PFKP: variants seen among roughly 807,000 people sequenced by gnomAD.
PFKP encodes phosphofructokinase, platelet.
PFKP carries 101 observed loss-of-function variants against 94.3 expected under a neutral mutation model. The ratio of observed to expected loss-of-function variants is 1.07; its 90% confidence interval spans 0.91 to 1.26. The LOEUF (loss-of-function observed/expected upper bound fraction) is 1.26, where lower values mean the gene tolerates loss of function less well. Among genes scored for constraint, PFKP ranks in the 50% most tolerant of loss-of-function variants. The pLI is 0.00. For missense variants in PFKP, 1,145 were observed against 1,103.3 expected, an observed-to-expected ratio of 1.04 and a Z score of -0.53; for synonymous variants, 573 against 432.6, an observed-to-expected ratio of 1.32 and a Z score of -4.03.
rs567629681 is a variant in PFKP, at chr10:3,077,495, T to C, written c.113-4893T>C. Among the ~76,000 whole-genome samples the C allele has an allele frequency of 1.6e-3, 236 of 152,012 alleles. 1 individual carries two copies. Among genetic ancestry groups the C allele is most frequent in the Non-Finnish European group, 1.9e-3 (130 of 67,970 alleles). On this transcript the variant is annotated intron_variant, in intron 1 of 21. Coordinates refer to ENST00000381125, the MANE Select transcript of PFKP (RefSeq NM_002627.5). ...GTTAGCCAGGATGGTCTCGATCTCCTGACCTCGTGATCCGCCCACCTTGGC... is the reference window on the plus strand; with the variant it reads ...GTTAGCCAGGATGGTCTCGATCTCCCGACCTCGTGATCCGCCCACCTTGGC...
intron 16 of PFKP, among the ~76,000 whole-genome samples, chr10:3,121,683 ATTTCCACCT>A (rs1222517030): frequency 6.8e-6 from 1 of 148,008 alleles, no homozygotes; most frequent in Non-Finnish European, 1.5e-5. Flanking sequence ...ACAAATGATC[ATTTCCACCT>A]GCTTTTACTT....
intron 20 of PFKP, among the ~76,000 whole-genome samples, chr10:3,135,420 G>A (rs973842572): frequency 1.7e-4 from 25 of 147,876 alleles, no homozygotes; most frequent in African/African-American, 5.8e-4. Context: ...CTCAGTGTGT[G>A]TATGTGTGAG....
intron 2 of PFKP, among the ~76,000 whole-genome samples, chr10:3,091,232 T>C (rs1327073379): frequency 1.3e-5 from 2 of 152,076 alleles, no homozygotes; most frequent in Non-Finnish European, 2.9e-5. Context: ...TAAGCTAAGG[T>C]TTTTCCTTAG....
At chr10:3,134,311 T>G (rs909996044) in intron 19 of PFKP, among the ~76,000 whole-genome samples, 172 bp from the exon 20 acceptor site, 2 of 152,246 alleles carry the variant, frequency 1.3e-5, no homozygotes, top group Non-Finnish European at 2.9e-5. Context: ...CACTTGATAC[T>G]TTTTCTTAAC....
At chr10:3,124,687 C>A (rs1256716216) in intron 16 of PFKP, among the ~76,000 whole-genome samples, 1 of 152,334 alleles carries the variant, frequency 6.6e-6, no homozygotes, top group Admixed American at 6.5e-5. Context: ...TCCCACTGAT[C>A]CTTGCCTGCC....
intron 3 of PFKP, among the ~76,000 whole-genome samples, chr10:3,099,685 T>C (rs981815673): frequency 2.0e-5 from 3 of 152,200 alleles, no homozygotes; most frequent in African/African-American, 4.8e-5. Flanking sequence ...GGAGGGAATT[T>C]TGACAACCAC....
chr10:3,114,236 GCCT>G (rs1439759741), intron 13 of PFKP, among the ~76,000 whole-genome samples: 1 of 151,136 alleles, frequency 6.6e-6, no homozygotes, highest in East Asian at 1.9e-4. Context: ...TGCAGCCTCT[GCCT>G]CCTGGGTTCA....
chr10:3,104,671 G>C (rs1428070367), intron 5 of PFKP: 3 of 221,850 alleles, frequency 1.4e-5, no homozygotes, highest in African/African-American at 4.8e-5. Context: ...CCATTCCCTG[G>C]GAAGACCCAC....
At chr10:3,134,631 T>TG (rs779914998) in intron 20 of PFKP, 49 bp downstream of exon 20, 1 of 1,219,370 alleles carries the variant, frequency 8.2e-7, no homozygotes, top group East Asian at 2.3e-5. Flanking sequence ...CAGGCCGTCC[T>TG]GCCTTGGTGA....
rs77832195 is a variant in PFKP, at chr10:3,134,127, G to T, written c.2023-356G>T. 6.2e-3 allele frequency among the ~76,000 whole-genome samples: 951 copies of T among 152,308 alleles called. 11 individuals carry two copies. Among genetic ancestry groups the T allele is most frequent in the African/African-American group, 0.022 (909 of 41,566 alleles). ...AATCCCCTGCAATGATGATGAAATA[G>T]TAGGCATATGTGTGATCTTCTTAAA... On this transcript the variant is annotated intron_variant, in intron 19 of 21. Transcript: ENST00000381125.
intron 4 of PFKP, among the ~76,000 whole-genome samples, chr10:3,103,334 G>C (rs1381100064): frequency 1.3e-5 from 2 of 152,142 alleles, no homozygotes; most frequent in Non-Finnish European, 2.9e-5. Context: ...TGCAGAATCC[G>C]GTTGCCTTGA....
At chr10:3,107,142 C>G in intron 7 of PFKP, 72 bp from the exon 8 acceptor site, 1 of 930,588 alleles carries the variant, frequency 1.1e-6, no homozygotes, top group South Asian at 1.3e-5. Context: ...AGACAGACTT[C>G]TGTGGTTTTG....
chr10:3,128,167 G>T (rs58272325), intron 16 of PFKP, among the ~76,000 whole-genome samples: 2,958 of 152,292 alleles, frequency 0.019, 81 homozygotes, highest in African/African-American at 0.064. Flanking sequence ...TTGAGCGCCT[G>T]CTGTGGGGGC....
At chr10:3,108,596 GAAGA>G (rs1272544682) in intron 8 of PFKP, 101 bp from the exon 9 acceptor site, 3 of 812,570 alleles carry the variant, frequency 3.7e-6, no homozygotes, top group African/African-American at 1.7e-5. Flanking sequence ...ATTTAGATCT[GAAGA>G]AAGAGCGAAA....
At chr10:3,086,357 C>T (rs1394080349) in intron 2 of PFKP, among the ~76,000 whole-genome samples, 3 of 152,214 alleles carry the variant, frequency 2.0e-5, no homozygotes, top group Non-Finnish European at 4.4e-5. Context: ...AACTGACTTA[C>T]CTTAGTTCAC....
Position 3,118,830 on chromosome 10 carries a change from G to A in PFKP, c.1491G>A (p.Thr497=), listed in dbSNP as rs756176040. The A allele has an allele frequency of 3.1e-6, 5 of 1,613,624 alleles. No individual in the cohort carries two copies. The highest frequency in any genetic ancestry group is 3.4e-6 in the Non-Finnish European group (4 of 1,179,674). The part of the protein sequence containing the change: ...YLEEIATQMR[T]HSINALLIIG... ...AAGAGATCGCCACACAGATGCGCAC[G>A]CACAGCATCAACGCGCTGCTGATCA... The change falls in exon 15 of 22, where the codon ACG becomes ACA. Residue 497 remains threonine, a synonymous_variant. Transcript: ENST00000381125.
intron 18 of PFKP, 33 bp downstream of exon 18, chr10:3,132,474 C>T (rs370895354): frequency 4.6e-5 from 65 of 1,410,964 alleles, no homozygotes; most frequent in South Asian, 4.6e-4. Context: ...TGATCTTACC[C>T]TCACCGCCAC....
chr10:3,108,252 C>T (rs750584784), intron 8 of PFKP, among the ~76,000 whole-genome samples: 6 of 152,208 alleles, frequency 3.9e-5, no homozygotes, highest in African/African-American at 9.6e-5. Context: ...TCCAGATCAC[C>T]GGGCCGGTGT....
intron 1 of PFKP, among the ~76,000 whole-genome samples, chr10:3,080,798 G>A (rs1209520019): frequency 6.6e-6 from 1 of 152,212 alleles, no homozygotes; most frequent in African/African-American, 2.4e-5. Context: ...TGTGGCTCAT[G>A]TCAGAGGGAG....
Sources: gnomAD v4.1 joint callset for allele counts (sites outside exome capture counted in the v4.1 genomes callset) on GRCh38, gnomAD v4.1.1 for gene constraint, MANE v1.5 for transcripts, NCBI Gene and HGNC (gene_info 2026-07-23, HGNC 2026-07-21) for gene names.